The following PLEKHA1 variants were observed in gnomAD, a reference collection of about 807,000 sequenced individuals.
PLEKHA1 encodes the protein pleckstrin homology domain-containing family A member 1.
Under a neutral mutation model 52.0 loss-of-function variants are expected in PLEKHA1, and 34 were observed. That is an observed-to-expected ratio of 0.65 (90% CI 0.50 to 0.87). PLEKHA1 has a LOEUF of 0.87. Among genes scored for constraint, PLEKHA1 ranks in the 40% least tolerant of loss-of-function variants. PLEKHA1 has a pLI of 0.00. For synonymous variants in PLEKHA1, 163 were observed against 170.7 expected (o/e 0.95, Z 0.35); for missense variants, 497 against 504.2 (o/e 0.99, Z 0.14).
chr10:122,401,046 A>T (rs2096920762), intron 4 of PLEKHA1, among the ~76,000 whole-genome samples: 1 of 152,138 alleles, frequency 6.6e-6, no homozygotes, highest in Admixed American at 6.5e-5. Context: ...GGAGGAGGAG[A>T]TGCTTACGTT....
chr10:122,392,630 A>G (rs2096792279), intron 1 of PLEKHA1, among the ~76,000 whole-genome samples: 1 of 152,044 alleles, frequency 6.6e-6, no homozygotes, highest in Non-Finnish European at 1.5e-5. Context: ...TTGGCCTACT[A>G]GTTTTGGAAT....
intron 1 of PLEKHA1, among the ~76,000 whole-genome samples, chr10:122,390,235 G>T (rs1351244285): frequency 6.6e-6 from 1 of 152,216 alleles, no homozygotes; most frequent in Non-Finnish European, 1.5e-5. Context: ...GTTAGGCTTT[G>T]ACTTAAGGGG....
intron 1 of PLEKHA1, among the ~76,000 whole-genome samples, chr10:122,380,171 C>A (rs148422691): frequency 1.6e-3 from 241 of 152,306 alleles, no homozygotes; most frequent in African/African-American, 5.8e-3. Flanking sequence ...AAACAACTTT[C>A]TATCTGGAAA....
chr10:122,416,769 A>G lies in PLEKHA1; in HGVS notation c.612+767A>G, dbSNP rs73367723. ...GAGAAAATTAACTTTAAAGTTTGAA[A>G]ATGTTTTTTAAGTCTGTGAGTAAAG... On this transcript the variant is annotated intron_variant, in intron 7 of 11. Transcript: ENST00000368990. 7.3e-3 allele frequency among the ~76,000 whole-genome samples: 1,116 copies of G among 152,266 alleles called. 19 individuals carry two copies. Among genetic ancestry groups the G allele is most frequent in the African/African-American group, 0.025 (1,042 of 41,560 alleles).
chr10:122,382,992 G>A (rs533748181), intron 1 of PLEKHA1, among the ~76,000 whole-genome samples: 2 of 152,260 alleles, frequency 1.3e-5, no homozygotes, highest in African/African-American at 4.8e-5. Flanking sequence ...CTTCTTGCCA[G>A]CAATGTAAGA....
chr10:122,377,147 G>A (rs1020703771), intron 1 of PLEKHA1, among the ~76,000 whole-genome samples: 1 of 152,094 alleles, frequency 6.6e-6, no homozygotes, highest in Admixed American at 6.5e-5. Context: ...TTGACATATT[G>A]CTTGATGTCA....
intron 1 of PLEKHA1, chr10:122,386,785 G>A (rs2096706070): frequency 6.6e-6 from 1 of 152,258 alleles, no homozygotes; most frequent in African/African-American, 2.4e-5. Context: ...AAAGACCGGT[G>A]TTATTTTTTT....
chr10:122,378,739 CAAAA>C (rs5788545), intron 1 of PLEKHA1, among the ~76,000 whole-genome samples: 1 of 101,856 alleles, frequency 9.8e-6, no homozygotes, highest in African/African-American at 4.1e-5. Context: ...ACCCTGTCTC[CAAAA>C]AAAAAAAAAA....
At chr10:122,442,576 A>G in the PLEKHA1 span, 1 of 152,312 alleles carries the variant, frequency 6.6e-6, no homozygotes, top group South Asian at 2.1e-4. Context: ...CACCCCACAC[A>G]AAACAATAAA....
intron 1 of PLEKHA1, among the ~76,000 whole-genome samples, chr10:122,379,682 C>T (rs2096588215): frequency 6.6e-6 from 1 of 152,208 alleles, no homozygotes; most frequent in African/African-American, 2.4e-5. Flanking sequence ...CCTGACTCTA[C>T]AGATATTTGA....
At chr10:122,425,621 T>A (rs1336976463) in intron 10 of PLEKHA1, 1 of 147,992 alleles carries the variant, frequency 6.8e-6, no homozygotes, top group East Asian at 2.0e-4. Context: ...CTTGGGAGGC[T>A]GAGGCACGAG....
chr10:122,413,613 AC>A (rs2097136073), intron 6 of PLEKHA1, among the ~76,000 whole-genome samples: 1 of 152,166 alleles, frequency 6.6e-6, no homozygotes, highest in African/African-American at 2.4e-5. Flanking sequence ...TGGAATTTTA[AC>A]TAAGTTATAT....
intron 2 of PLEKHA1, among the ~76,000 whole-genome samples, chr10:122,397,384 A>G (rs1715494233): frequency 6.6e-6 from 1 of 152,084 alleles, no homozygotes; most frequent in Non-Finnish European, 1.5e-5. Flanking sequence ...TTCCCTGCAT[A>G]TGATAAAGAG....
At chr10:122,428,241 G>A in intron 11 of PLEKHA1, 1 of 1,500,340 alleles carries the variant, frequency 6.7e-7, no homozygotes, top group Non-Finnish European at 8.9e-7. Flanking sequence ...CCCAGTATAG[G>A]TTAACTCTAA....
chr10:122,417,953 CT>C lies in PLEKHA1; in HGVS notation c.668del (p.Phe223SerfsTer12). ...FQLDENTIGY[F>X]KSELEKEPLR... ...AATTGGATGAAAACACAATAGGCTACTTCAAATCTGAACTGGTATGTTGTTA... is the reference window on the plus strand; with the variant it reads ...AATTGGATGAAAACACAATAGGCTACTCAAATCTGAACTGGTATGTTGTTA... On this transcript the variant is annotated frameshift_variant, in exon 8 of 12. Coordinates refer to ENST00000368990, the MANE Select transcript of PLEKHA1 (RefSeq NM_001001974.4). LOFTEE classifies it high-confidence loss of function. 6.2e-7 allele frequency: 1 copy of C among 1,610,782 alleles called. No homozygotes were observed. Among genetic ancestry groups the C allele is most frequent in the South Asian group, 1.1e-5 (1 of 90,996 alleles).
intron 1 of PLEKHA1, among the ~76,000 whole-genome samples, chr10:122,389,185 A>C (rs1393876285): frequency 1.3e-5 from 2 of 152,238 alleles, no homozygotes; most frequent in African/African-American, 2.4e-5. Context: ...CTATATTTCA[A>C]ATCACAAATA....
intron 5 of PLEKHA1, among the ~76,000 whole-genome samples, chr10:122,407,146 G>C (rs960588299): frequency 6.6e-6 from 1 of 152,128 alleles, no homozygotes; most frequent in Non-Finnish European, 1.5e-5. Context: ...GTTAGGGATA[G>C]GAATAGTGTC....
intron 7 of PLEKHA1, 75 bp downstream of exon 7, chr10:122,416,077 T>C: frequency 2.7e-6 from 4 of 1,460,964 alleles, no homozygotes; most frequent in Non-Finnish European, 3.7e-6. Flanking sequence ...ACATGGAAAT[T>C]GTTTGCTTTA....
intron 1 of PLEKHA1, among the ~76,000 whole-genome samples, chr10:122,384,057 G>GT (rs1478755715): frequency 6.6e-6 from 1 of 151,868 alleles, no homozygotes; most frequent in East Asian, 1.9e-4. Context: ...TCTCGGTATG[G>GT]TTTTTTTGTA....
Sources: gnomAD v4.1 joint callset for allele counts (sites outside exome capture counted in the v4.1 genomes callset) on GRCh38, gnomAD v4.1.1 for gene constraint, MANE v1.5 for transcripts, NCBI Gene and HGNC (gene_info 2026-07-23, HGNC 2026-07-21) for gene names.